Variants in MALRD1 observed in about 807,000 individuals in gnomAD.
MALRD1 encodes MAM and LDL receptor class A domain containing 1.
MALRD1 carries 247 observed loss-of-function variants against 242.1 expected under a neutral mutation model. The observed-to-expected ratio is 1.02, with a 90% CI of 0.92 to 1.13. MALRD1 has a LOEUF of 1.13. Ranked by LOEUF, MALRD1 falls within the 50% of genes most tolerant of loss-of-function variation. MALRD1 has a pLI of 0.00. For missense variants in MALRD1, 2,989 were observed against 2,533.1 expected (o/e 1.18, Z -3.86); for synonymous variants, 995 against 866.6 (o/e 1.15, Z -2.60).
chr10:19,729,076 G>A (rs1223042499), intron 38 of MALRD1, among the ~76,000 whole-genome samples: 2 of 152,106 alleles, frequency 1.3e-5, no homozygotes, highest in Non-Finnish European at 1.5e-5. Flanking sequence ...CCGCGGTGAG[G>A]GTGAAACATT....
intron 18 of MALRD1, among the ~76,000 whole-genome samples, chr10:19,224,371 C>T (rs1261484880): frequency 1.3e-5 from 2 of 151,586 alleles, no homozygotes; most frequent in African/African-American, 4.8e-5. Flanking sequence ...ACTGCAACCT[C>T]CACCTAATGG....
chr10:19,285,304 G>T (rs1841052160), intron 21 of MALRD1, among the ~76,000 whole-genome samples: 1 of 139,238 alleles, frequency 7.2e-6, no homozygotes. Flanking sequence ...TGCTTTTGGT[G>T]TTTTGGACAT....
At chr10:19,524,355 T>TA (rs1834003539) in intron 31 of MALRD1, among the ~76,000 whole-genome samples, 1 of 152,072 alleles carries the variant, frequency 6.6e-6, no homozygotes. Context: ...TGCGTGCCTG[T>TA]AGTCCCAGCT....
intron 2 of MALRD1, 21 bp from the exon 3 acceptor site, chr10:19,087,819 C>A (rs998601926): frequency 1.4e-5 from 17 of 1,190,620 alleles, no homozygotes; most frequent in South Asian, 4.2e-5. Context: ...TTTTTTGTAC[C>A]CTGTCTCTTC....
At chr10:19,284,192 T>A (rs1840976972) in intron 21 of MALRD1, among the ~76,000 whole-genome samples, 1 of 152,184 alleles carries the variant, frequency 6.6e-6, no homozygotes, top group South Asian at 2.1e-4. Context: ...TTTTCACTTT[T>A]GTGAAATGCA....
At chr10:19,701,126 G>A (rs1427393299) in intron 38 of MALRD1, among the ~76,000 whole-genome samples, 1 of 152,100 alleles carries the variant, frequency 6.6e-6, no homozygotes, top group Non-Finnish European at 1.5e-5. Flanking sequence ...TCCAGCCTGG[G>A]TGACAAAGCA....
Position 19,209,579 on chromosome 10 carries a change from T to C in MALRD1, c.2890T>C (p.Trp964Arg), listed in dbSNP as rs1564469055. Residue 964 changes from tryptophan (W) to arginine (R), a missense_variant, in exon 18 of 40, where the codon TGG becomes CGG. By Grantham distance (101) the Trp-to-Arg change is moderately radical. Coordinates refer to ENST00000454679, the MANE Select transcript of MALRD1 (RefSeq NM_001142308.3). ...TAGGTTGGCAATCTACCAACGAATCTGGAGTGACTCAAGGGGACAGCTGCT... is the reference window on the plus strand; with the variant it reads ...TAGGTTGGCAATCTACCAACGAATCCGGAGTGACTCAAGGGGACAGCTGCT... ...IYRLAIYQRI[W>R]SDSRGQLLWQ... 6.4e-7 allele frequency: 1 copy of C among 1,550,934 alleles called. No individual in the cohort carries two copies. Among genetic ancestry groups the C allele is most frequent in the Non-Finnish European group, 8.7e-7 (1 of 1,147,050 alleles).
chr10:19,165,087 C>T (rs1245128712), intron 12 of MALRD1, among the ~76,000 whole-genome samples: 7 of 150,866 alleles, frequency 4.6e-5, no homozygotes, highest in Non-Finnish European at 1.0e-4. Flanking sequence ...GATTTTGTAA[C>T]GTTGAGTCTC....
At chr10:19,427,271 C>T (rs1386952498) in intron 28 of MALRD1, among the ~76,000 whole-genome samples, 2 of 152,180 alleles carry the variant, frequency 1.3e-5, no homozygotes, top group African/African-American at 2.4e-5. Context: ...TTGCCCAAGG[C>T]TTTAAGGGAC....
intron 28 of MALRD1, among the ~76,000 whole-genome samples, chr10:19,413,982 T>C (rs538604048): frequency 6.8e-6 from 1 of 146,982 alleles, no homozygotes; most frequent in African/African-American, 2.5e-5. Flanking sequence ...AAAAAAACAA[T>C]GATTTTTACC....
rs12240964 is a variant in MALRD1 at position 19,377,531 on chromosome 10, G to T, written c.4442-9997G>T. ...TTAGTTTTTTCATCTGTAAAATGAG[G>T]TTATTAAACAGAACTACTTCATAAG... On this transcript the variant is annotated intron_variant, in intron 26 of 39. Transcript: ENST00000454679. Among the ~76,000 whole-genome samples the T allele has an allele frequency of 5.1e-3, 781 of 152,066 alleles. 2 individuals carry two copies. Among genetic ancestry groups the T allele is most frequent in the African/African-American group, 0.018 (756 of 41,504 alleles).
At chr10:19,050,610 T>G (rs996048392) in intron 1 of MALRD1, among the ~76,000 whole-genome samples, 2 of 152,192 alleles carry the variant, frequency 1.3e-5, no homozygotes, top group African/African-American at 4.8e-5. Flanking sequence ...ATGGCTGTCA[T>G]GCTGTTACTA....
intron 30 of MALRD1, 109 bp downstream of exon 30, chr10:19,491,754 C>T (rs991318538): frequency 2.4e-6 from 3 of 1,252,706 alleles, no homozygotes; most frequent in Non-Finnish European, 3.3e-6. Flanking sequence ...TTTTCATGCA[C>T]TAGAGTAGAT....
intron 21 of MALRD1, among the ~76,000 whole-genome samples, chr10:19,305,786 A>T (rs1842137248): frequency 7.0e-6 from 1 of 142,186 alleles, no homozygotes; most frequent in South Asian, 2.1e-4. Context: ...ACTATATATT[A>T]TATATATACC....
intron 38 of MALRD1, among the ~76,000 whole-genome samples, chr10:19,702,313 A>G (rs763733503): frequency 6.6e-6 from 1 of 152,146 alleles, no homozygotes; most frequent in African/African-American, 2.4e-5. Flanking sequence ...AAGTCTCACT[A>G]TTCCCAAAAA....
intron 29 of MALRD1, among the ~76,000 whole-genome samples, chr10:19,461,128 G>T (rs932292378): frequency 6.6e-6 from 1 of 152,092 alleles, no homozygotes; most frequent in Admixed American, 6.6e-5. Context: ...AATAGATATT[G>T]AAAAATCAAT....
In MALRD1 at chr10:19,567,445, T is replaced by A. The variant is rs1836305597; in HGVS notation, c.5479-57T>A. On this transcript the variant is annotated intron_variant, in intron 32 of 39. Transcript: ENST00000454679. Reference sequence around the variant, plus strand: ...TTCATTCTTTCATCAATCATCTGGATGTCCTGATACTTCTAATATCCAATC... The same window carrying A: ...TTCATTCTTTCATCAATCATCTGGAAGTCCTGATACTTCTAATATCCAATC... 7.2e-6 allele frequency: 10 copies of A among 1,385,240 alleles called. No homozygotes were observed. The South Asian group carries it at 9.0e-5, about 12-fold the overall frequency. 85.8% of individuals were successfully genotyped at this position (1,385,240 alleles called of 1,614,324 possible). A position where few individuals can be genotyped will look rare whatever the true frequency, so the allele number is the denominator to read the frequency against.
intron 18 of MALRD1, among the ~76,000 whole-genome samples, chr10:19,217,891 T>C (rs185542404): frequency 7.3e-4 from 111 of 152,280 alleles, no homozygotes; most frequent in African/African-American, 2.6e-3. Flanking sequence ...GACTATTTCC[T>C]TGTTGCTCTA....
At chr10:19,539,227 C>T (rs1834820113) in intron 32 of MALRD1, among the ~76,000 whole-genome samples, 1 of 152,096 alleles carries the variant, frequency 6.6e-6, no homozygotes, top group Non-Finnish European at 1.5e-5. Flanking sequence ...CTGACGTTAT[C>T]TACATTTTAA....
Sources: allele counts gnomAD v4.1 joint callset (sites outside exome capture counted in the v4.1 genomes callset), GRCh38; gene constraint gnomAD v4.1.1; transcripts MANE v1.5; gene names NCBI Gene and HGNC (gene_info 2026-07-23, HGNC 2026-07-21).